AKAP19: variants seen among roughly 807,000 people sequenced by gnomAD.
The protein encoded by AKAP19 is small A-kinase anchoring protein.
chr2:190,141,222 A>G, the AKAP19 span, among the ~76,000 whole-genome samples: 1 of 152,170 alleles, frequency 6.6e-6, no homozygotes, highest in Non-Finnish European at 1.5e-5. Flanking sequence ...GGAAGCTCCA[A>G]ACTTTTCCTT....
chr2:189,942,895 A>T, the AKAP19 span, among the ~76,000 whole-genome samples: 1 of 152,246 alleles, frequency 6.6e-6, no homozygotes, highest in Admixed American at 6.5e-5. Context: ...TACTGCTTCT[A>T]ACAGCCTATG....
At chr2:190,078,566 G>A in the AKAP19 span, among the ~76,000 whole-genome samples, 1 of 152,068 alleles carries the variant, frequency 6.6e-6, no homozygotes. Context: ...ATAAGCCTCT[G>A]AAAAGATGTT....
At chr2:189,960,574 A>C in the AKAP19 span, among the ~76,000 whole-genome samples, 2 of 152,230 alleles carry the variant, frequency 1.3e-5, no homozygotes, top group African/African-American at 4.8e-5. Flanking sequence ...CTACCCCTTG[A>C]AAGAGAAGAT....
At chr2:189,975,711 T>G in the AKAP19 span, among the ~76,000 whole-genome samples, 1 of 152,214 alleles carries the variant, frequency 6.6e-6, no homozygotes, top group East Asian at 1.9e-4. Flanking sequence ...TAGACTTCTC[T>G]TCTCGCTTCA....
At chr2:190,033,931 C>T in the AKAP19 span, among the ~76,000 whole-genome samples, 2 of 152,144 alleles carry the variant, frequency 1.3e-5, no homozygotes, top group South Asian at 4.1e-4. Context: ...ACAGTATTAA[C>T]TTTTCTTTCT....
the AKAP19 span, among the ~76,000 whole-genome samples, chr2:189,939,485 A>G: frequency 9.3e-4 from 142 of 152,356 alleles, 1 homozygote; most frequent in Middle Eastern, 3.4e-3. Context: ...CATGCCAGAC[A>G]GAGAACACTG....
chr2:190,103,087 A>G, the AKAP19 span, among the ~76,000 whole-genome samples: 1 of 152,240 alleles, frequency 6.6e-6, no homozygotes, highest in African/African-American at 2.4e-5. Context: ...TAAAAACAAA[A>G]GCATTATGAT....
At chr2:189,977,305 T>C in the AKAP19 span, among the ~76,000 whole-genome samples, 1 of 147,242 alleles carries the variant, frequency 6.8e-6, no homozygotes, top group African/African-American at 2.7e-5. Context: ...GCCACTCTCC[T>C]TGCCCTAATA....
At chr2:190,109,185 T>G in the AKAP19 span, among the ~76,000 whole-genome samples, 2 of 152,188 alleles carry the variant, frequency 1.3e-5, no homozygotes, top group African/African-American at 2.4e-5. Flanking sequence ...AGAGTTAGAA[T>G]TATAGGTCAA....
the AKAP19 span, among the ~76,000 whole-genome samples, chr2:190,028,548 T>G: frequency 1.3e-5 from 2 of 152,278 alleles, no homozygotes; most frequent in African/African-American, 4.8e-5. Flanking sequence ...TTTAACTGAA[T>G]TGTCATTGTG....
the AKAP19 span, among the ~76,000 whole-genome samples, chr2:190,091,352 T>A: frequency 1.3e-5 from 2 of 152,212 alleles, no homozygotes; most frequent in African/African-American, 4.8e-5. Context: ...TATGAATTTA[T>A]TTCAGAAAGT....
chr2:190,005,536 C>G, the AKAP19 span, among the ~76,000 whole-genome samples: 1 of 152,246 alleles, frequency 6.6e-6, no homozygotes, highest in Non-Finnish European at 1.5e-5. Context: ...CCACTTCTAT[C>G]TCATTACTGC....
the AKAP19 span, among the ~76,000 whole-genome samples, chr2:190,072,114 T>C: frequency 6.6e-6 from 1 of 152,152 alleles, no homozygotes; most frequent in Non-Finnish European, 1.5e-5. Context: ...TGCTGCAACA[T>C]GGATGCAGCT....
the AKAP19 span, among the ~76,000 whole-genome samples, chr2:189,885,311 G>A: frequency 1.3e-5 from 2 of 152,216 alleles, no homozygotes; most frequent in African/African-American, 4.8e-5. Flanking sequence ...TAATCACCTT[G>A]TGAGAAGTCA....
the AKAP19 span, among the ~76,000 whole-genome samples, chr2:189,978,518 G>A: frequency 7.9e-5 from 12 of 152,316 alleles, no homozygotes; most frequent in African/African-American, 2.9e-4. Flanking sequence ...CTACTCGGAA[G>A]GCTGAGGCAT....
chr2:190,108,759 T>TAGATAGAGCAA, the AKAP19 span, among the ~76,000 whole-genome samples: 1 of 149,616 alleles, frequency 6.7e-6, no homozygotes, highest in East Asian at 2.0e-4. Context: ...GAGCTGGTGG[T>TAGATAGAGCAA]AGAGGCTATT....
At chr2:189,942,739 C>A in the AKAP19 span, among the ~76,000 whole-genome samples, 2 of 152,218 alleles carry the variant, frequency 1.3e-5, no homozygotes, top group East Asian at 3.8e-4. Context: ...GGAACTAAGG[C>A]AGTCATATGT....
At chr2:190,113,290 G>T in the AKAP19 span, among the ~76,000 whole-genome samples, 2 of 152,090 alleles carry the variant, frequency 1.3e-5, no homozygotes, top group South Asian at 4.1e-4. Context: ...CTGAGACAGG[G>T]TCAATCTAAT....
chr2:190,154,406 T>C, the AKAP19 span, among the ~76,000 whole-genome samples: 1 of 152,254 alleles, frequency 6.6e-6, no homozygotes, highest in Non-Finnish European at 1.5e-5. Flanking sequence ...TTTCTCCTTG[T>C]ATATTCTATA....
Sources: gnomAD v4.1 joint callset for allele counts (sites outside exome capture counted in the v4.1 genomes callset) on GRCh38, gnomAD v4.1.1 for gene constraint, MANE v1.5 for transcripts, NCBI Gene and HGNC (gene_info 2026-07-23, HGNC 2026-07-21) for gene names.